ART3: variants seen among roughly 807,000 people sequenced by gnomAD.
The protein encoded by ART3 is ecto-ADP-ribosyltransferase 3.
Under a neutral mutation model 48.5 loss-of-function variants are expected in ART3, and 49 were observed. That is an observed-to-expected ratio of 1.01 (90% CI 0.80 to 1.28). The LOEUF (loss-of-function observed/expected upper bound fraction) is 1.28, where lower values mean the gene tolerates loss of function less well. ART3 is among the 50% of genes most tolerant of loss of function. The pLI, the probability that ART3 is intolerant of heterozygous loss-of-function variation, is 0.00. For missense variants in ART3, 438 were observed against 454.3 expected (o/e 0.96, Z 0.33); for synonymous variants, 145 against 157.2 (o/e 0.92, Z 0.58).
intron 1 of ART3, among the ~76,000 whole-genome samples, chr4:76,024,621 T>C (rs1353610746): frequency 5.3e-5 from 8 of 152,200 alleles, no homozygotes; most frequent in Non-Finnish European, 1.5e-5. Context: ...TCCATGGATA[T>C]AGTGGTCCTT....
At chr4:76,049,163 TA>T (rs1005169660) in intron 1 of ART3, among the ~76,000 whole-genome samples, 4 of 151,894 alleles carry the variant, frequency 2.6e-5, no homozygotes, top group African/African-American at 9.7e-5. Context: ...CCTGGGTGCC[TA>T]AAGAAGGTAA....
chr4:76,112,281 C>T (rs1457071162), intron 11 of ART3, 105 bp from the exon 12 acceptor site: 7 of 1,379,974 alleles, frequency 5.1e-6, no homozygotes, highest in South Asian at 4.7e-5. Context: ...TAAGTTTCTA[C>T]TTCAACTTTA....
At chr4:76,022,461 G>A in intron 1 of ART3, 1 of 1,609,506 alleles carries the variant, frequency 6.2e-7, no homozygotes. Flanking sequence ...TAGCACTGTA[G>A]AAATAAATAG....
intron 10 of ART3, chr4:76,106,215 A>G: frequency 3.0e-6 from 3 of 985,448 alleles, no homozygotes; most frequent in Non-Finnish European, 3.6e-6. Flanking sequence ...TTGTCTTCCA[A>G]ACAGATTTAG....
intron 1 of ART3, chr4:76,058,538 T>C (rs1430143008): frequency 2.6e-5 from 4 of 152,174 alleles, no homozygotes; most frequent in Non-Finnish European, 5.9e-5. Context: ...TAGGAATCAA[T>C]CACTGCTGAT....
At chr4:76,083,182 G>A (rs1722852815) in intron 3 of ART3, among the ~76,000 whole-genome samples, 1 of 152,082 alleles carries the variant, frequency 6.6e-6, no homozygotes, top group Non-Finnish European at 1.5e-5. Flanking sequence ...TTGCAGCAGA[G>A]CAAGACCCTG....
chr4:76,053,722 A>G (rs1380156562), intron 1 of ART3, among the ~76,000 whole-genome samples: 2 of 152,236 alleles, frequency 1.3e-5, no homozygotes, highest in African/African-American at 4.8e-5. Context: ...AGAAATGATC[A>G]AGTTCTGCCA....
At position 76,081,909 on chromosome 4, in the gene ART3, T is replaced by C; in HGVS notation, c.155T>C (p.Val52Ala). ...ACGGACAGGATGGAAATTAAATACG[T>C]TCCCCAACTGCTAAAGGAGGAAAAA... ...KCTDRMEIKY[V>A]PQLLKEEKAS... Residue 52 changes from valine (V) to alanine (A), a missense_variant, in exon 3 of 12, where the codon GTT (valine) becomes GCT (alanine). Val to Ala is a moderately conservative substitution (Grantham distance 64, BLOSUM62 0). Around this residue, in one of 3 missense-constraint regions of ART3, gnomAD observed 206 missense variants for 205.3 expected, o/e 1.00. Transcript: ENST00000355810. 6.2e-7 allele frequency: 1 copy of C among 1,614,164 alleles called. No individual in the cohort carries two copies. The highest frequency in any genetic ancestry group is 8.5e-7 in the Non-Finnish European group (1 of 1,180,028).
rs137936493 is a variant in ART3 at position 76,033,163 on chromosome 4, T to A, written c.-10+21843T>A. 5.4e-3 allele frequency among the ~76,000 whole-genome samples: 822 copies of A among 152,196 alleles called. 4 individuals carry two copies. The highest frequency in any genetic ancestry group is 8.4e-3 in the Non-Finnish European group (572 of 68,008). ...TATCTTAAGGAGAAAAAGAATTTAG[T>A]TGGAGGTTGAAGAATCCACAGGACA... On this transcript the variant is annotated intron_variant, in intron 1 of 9. Coordinates refer to the ART3 transcript ENST00000341029.
At chr4:76,040,437 TACACACACACACACAC>T (rs748020159) in intron 1 of ART3, among the ~76,000 whole-genome samples, 22 of 88,492 alleles carry the variant, frequency 2.5e-4, no homozygotes, top group Admixed American at 9.5e-4. Context: ...ATACACTGGA[TACACACACACACACAC>T]ACACACACAC....
intron 1 of ART3, chr4:76,075,279 T>A (rs907220860): frequency 2.6e-5 from 4 of 152,324 alleles, no homozygotes; most frequent in African/African-American, 4.8e-5. Flanking sequence ...GAAAGTTATG[T>A]AAGACACTTA....
chr4:76,107,565 GA>G (rs1223943034), intron 10 of ART3, 195 bp from the exon 11 acceptor site: 44 of 388,656 alleles, frequency 1.1e-4, no homozygotes, highest in South Asian at 1.4e-4. Context: ...ATATTGATGG[GA>G]AAAAAAATTC....
At chr4:76,104,704 A>T in intron 10 of ART3, 75 bp downstream of exon 10, 1 of 1,497,970 alleles carries the variant, frequency 6.7e-7, no homozygotes, top group Non-Finnish European at 9.1e-7. Flanking sequence ...TATGCATGGG[A>T]CTTTCTATGC....
At chr4:76,109,354 C>T (rs937142469) in intron 11 of ART3, among the ~76,000 whole-genome samples, 4 of 152,072 alleles carry the variant, frequency 2.6e-5, no homozygotes, top group Admixed American at 6.6e-5. Context: ...TGCACCTCCA[C>T]ATCTTGTTCC....
chr4:76,022,620 T>G, intron 1 of ART3: 1 of 1,516,142 alleles, frequency 6.6e-7, no homozygotes, highest in Non-Finnish European at 9.0e-7. Flanking sequence ...TCTTTTTTTA[T>G]TATCATTACA....
At chr4:76,079,536 G>C (rs1427567807) in intron 2 of ART3, among the ~76,000 whole-genome samples, 1 of 152,178 alleles carries the variant, frequency 6.6e-6, no homozygotes, top group African/African-American at 2.4e-5. Context: ...GAAACTGTAA[G>C]CATGTATATA....
chr4:76,065,274 T>C (rs187407960), intron 1 of ART3, among the ~76,000 whole-genome samples: 1 of 152,356 alleles, frequency 6.6e-6, no homozygotes, highest in East Asian at 1.9e-4. Context: ...TTTAATCTTG[T>C]GCATTTGTAT....
intron 1 of ART3, among the ~76,000 whole-genome samples, chr4:76,030,460 T>C (rs1733778164): frequency 6.6e-6 from 1 of 152,222 alleles, no homozygotes; most frequent in Non-Finnish European, 1.5e-5. Context: ...AGTGTAGCCC[T>C]TCTTCTTTTT....
chr4:76,067,223 T>C (rs1719828233), intron 1 of ART3, among the ~76,000 whole-genome samples: 1 of 152,236 alleles, frequency 6.6e-6, no homozygotes, highest in Non-Finnish European at 1.5e-5. Flanking sequence ...CTCTCCAGTT[T>C]TCTAAAATCA....
Sources: allele counts gnomAD v4.1 joint callset (sites outside exome capture counted in the v4.1 genomes callset), GRCh38; gene constraint gnomAD v4.1.1; regional missense constraint gnomAD v4.1.1; transcripts MANE v1.5; gene names NCBI Gene and HGNC (gene_info 2026-07-23, HGNC 2026-07-21).